XYLT1: variants seen among roughly 807,000 people sequenced by gnomAD.
XYLT1 encodes the protein beta-D-xylosyltransferase 1.
XYLT1 carries 36 observed loss-of-function variants against 91.3 expected under a neutral mutation model. The ratio of observed to expected loss-of-function variants is 0.39; its 90% CI spans 0.30 to 0.52. The LOEUF (loss-of-function observed/expected upper bound fraction) is 0.52, where lower values mean the gene tolerates loss of function less well. Among genes scored for constraint, XYLT1 ranks in the 20% least tolerant of loss-of-function variants. The pLI, the probability that XYLT1 is intolerant of heterozygous loss-of-function variation, is 0.68. For synonymous variants in XYLT1, 588 were observed against 532.0 expected (o/e 1.11, Z -1.45); for missense variants, 1,242 against 1,284.5 (o/e 0.97, Z 0.51).
chr16:17,135,360 G>C (rs979192429), intron 8 of XYLT1, among the ~76,000 whole-genome samples: 2 of 151,994 alleles, frequency 1.3e-5, no homozygotes, highest in Non-Finnish European at 2.9e-5. Flanking sequence ...GAATCTCTGG[G>C]ACTTTGAAAA....
At chr16:17,213,523 T>C (rs142094162) in intron 3 of XYLT1, among the ~76,000 whole-genome samples, 307 of 152,280 alleles carry the variant, frequency 2.0e-3, no homozygotes, top group African/African-American at 7.1e-3. Context: ...GGTCAGCTAA[T>C]ATGCTGCAGA....
chr16:17,275,308 C>A (rs1335205295), intron 2 of XYLT1, among the ~76,000 whole-genome samples: 3 of 152,212 alleles, frequency 2.0e-5, no homozygotes, highest in Non-Finnish European at 4.4e-5. Context: ...TCAAATCACA[C>A]AGCATGGTTA....
intron 1 of XYLT1, among the ~76,000 whole-genome samples, chr16:17,396,760 A>C (rs1354119045): frequency 6.6e-6 from 1 of 152,018 alleles, no homozygotes; most frequent in Non-Finnish European, 1.5e-5. Context: ...AATCCCAGCT[A>C]CTCGGGAATC....
intron 10 of XYLT1, among the ~76,000 whole-genome samples, chr16:17,122,249 C>T (rs1338140258): frequency 6.6e-6 from 1 of 152,214 alleles, no homozygotes; most frequent in Non-Finnish European, 1.5e-5. Context: ...CTTTTCACCA[C>T]ATCCATGCCA....
chr16:17,206,802 C>A (rs2032655673), intron 3 of XYLT1, among the ~76,000 whole-genome samples: 1 of 152,092 alleles, frequency 6.6e-6, no homozygotes, highest in African/African-American at 2.4e-5. Flanking sequence ...AATGTGATCT[C>A]ATTATTTAAT....
chr16:17,434,428 G>A (rs2036427726), intron 1 of XYLT1, among the ~76,000 whole-genome samples: 1 of 152,212 alleles, frequency 6.6e-6, no homozygotes, highest in Non-Finnish European at 1.5e-5. Context: ...TCGTAAGTAT[G>A]CAATGATGAA....
intron 3 of XYLT1, among the ~76,000 whole-genome samples, chr16:17,240,273 G>C (rs957707128): frequency 6.6e-6 from 1 of 152,150 alleles, no homozygotes; most frequent in Non-Finnish European, 1.5e-5. Flanking sequence ...GAATGGGTGA[G>C]AATAAAGGGA....
intron 5 of XYLT1, among the ~76,000 whole-genome samples, chr16:17,196,394 A>C (rs1042054399): frequency 3.9e-5 from 6 of 152,232 alleles, no homozygotes; most frequent in Non-Finnish European, 7.3e-5. Flanking sequence ...AAGAGATCTT[A>C]TCTTTTCTAG....
At chr16:17,352,354 C>T (rs1426705202) in intron 2 of XYLT1, among the ~76,000 whole-genome samples, 2 of 152,178 alleles carry the variant, frequency 1.3e-5, no homozygotes. Context: ...ATTAGTTTCA[C>T]TGGATGGCCC....
intron 1 of XYLT1, among the ~76,000 whole-genome samples, chr16:17,395,757 G>A (rs2035876661): frequency 6.6e-6 from 1 of 152,210 alleles, no homozygotes; most frequent in Non-Finnish European, 1.5e-5. Flanking sequence ...TAAATACAGT[G>A]AAATCTGTGA....
At position 17,259,209 on chromosome 16, in the gene XYLT1, T is replaced by C. The variant is rs201865118; in HGVS notation, c.692A>G (p.Lys231Arg). 2.5e-6 allele frequency: 4 copies of C among 1,613,894 alleles called. No individual in the cohort carries two copies. In the East Asian group the frequency reaches 6.7e-5, roughly 27 times the overall value. The change falls in exon 3 of 12, where the codon AAG becomes AGG. Residue 231 changes from lysine (K) to arginine (R), a missense_variant. This residue lies in a region of XYLT1 where 437 missense variants were observed against 411.5 expected (regional missense o/e 1.06). Coordinates refer to ENST00000261381, the MANE Select transcript of XYLT1 (RefSeq NM_022166.4). ...DRAAANSSHG[K>R]DVSRPPHARK... ...GGCATGAGGCGGTCTGGACACATCC[T>C]TCCCGTGGCTGCTGTTGGCTGCGGC...
At chr16:17,403,675 T>C (rs1043508983) in intron 1 of XYLT1, among the ~76,000 whole-genome samples, 1 of 152,200 alleles carries the variant, frequency 6.6e-6, no homozygotes, top group Non-Finnish European at 1.5e-5. Flanking sequence ...GGGGGAATCA[T>C]GGCAGCTACA....
Position 17,103,886 on chromosome 16 carries a change from G to A in XYLT1, c.*4809C>T. 1 of 152,540 alleles carries A rather than the reference G, an allele frequency of 6.6e-6. No individual in the cohort carries two copies. The highest frequency in any genetic ancestry group is 1.5e-5 in the Non-Finnish European group (1 of 68,200). The allele number at this position is 152,540 out of a possible 1,614,324, so 9.4% of individuals were successfully genotyped here. ...CTCCATCTTAAGAGGGTCCTATACA[G>A]TATCTTGTTTGCAAGGTAAACACAA... On this transcript the variant is annotated 3_prime_UTR_variant, in exon 12 of 12. Transcript: ENST00000261381.
chr16:17,144,797 G>A (rs1439089206), intron 6 of XYLT1, among the ~76,000 whole-genome samples: 1 of 152,242 alleles, frequency 6.6e-6, no homozygotes, highest in Non-Finnish European at 1.5e-5. Flanking sequence ...CAAAGGCGCT[G>A]TGTGGATTGC....
chr16:17,181,077 G>A (rs2032056387), intron 5 of XYLT1, among the ~76,000 whole-genome samples: 1 of 152,188 alleles, frequency 6.6e-6, no homozygotes, highest in African/African-American at 2.4e-5. Context: ...AGTAACTGGA[G>A]AAATGCACTT....
intron 8 of XYLT1, 120 bp downstream of exon 8, chr16:17,138,235 T>A (rs1241963577): frequency 1.8e-6 from 2 of 1,085,624 alleles, no homozygotes; most frequent in Middle Eastern, 3.1e-4. Flanking sequence ...TTATTAATTA[T>A]CAACAGCCAG....
chr16:17,274,329 A>C (rs912867866), intron 2 of XYLT1, among the ~76,000 whole-genome samples: 3 of 152,162 alleles, frequency 2.0e-5, no homozygotes, highest in African/African-American at 7.2e-5. Flanking sequence ...GCTGGATTTC[A>C]TTTCTGGTTG....
chr16:17,234,998 G>T (rs1489620724), intron 3 of XYLT1, among the ~76,000 whole-genome samples: 1 of 151,822 alleles, frequency 6.6e-6, no homozygotes, highest in Non-Finnish European at 1.5e-5. Context: ...TATTAATTTG[G>T]TGTCATCTGT....
chr16:17,256,518 G>C (rs1042874877), intron 3 of XYLT1, among the ~76,000 whole-genome samples: 1 of 152,096 alleles, frequency 6.6e-6, no homozygotes, highest in Non-Finnish European at 1.5e-5. Context: ...GGGTGTGATG[G>C]CGGGCGCCTG....
Sources: gnomAD v4.1 joint callset for allele counts (sites outside exome capture counted in the v4.1 genomes callset) on GRCh38, gnomAD v4.1.1 for gene constraint, gnomAD v4.1.1 regional missense constraint, MANE v1.5 for transcripts, NCBI Gene and HGNC (gene_info 2026-07-23, HGNC 2026-07-21) for gene names.